Variants in NRG1 observed in about 807,000 individuals in gnomAD.
NRG1 encodes the protein pro-neuregulin-1, membrane-bound isoform.
In NRG1, 18 loss-of-function variants were observed where a neutral mutation model predicts 63.8. The observed-to-expected ratio is 0.28, with a 90% CI of 0.19 to 0.42. The LOEUF (loss-of-function observed/expected upper bound fraction) is 0.42, where lower values mean the gene tolerates loss of function less well. NRG1 is among the 10% of genes least tolerant of loss of function. The pLI is 1.00. For missense variants in NRG1, 762 were observed against 814.7 expected, an observed-to-expected ratio of 0.94 and a Z score of 0.79; for synonymous variants, 302 against 301.3, an observed-to-expected ratio of 1.00 and a Z score of -0.02.
intron 1 of NRG1, among the ~76,000 whole-genome samples, chr8:32,263,973 T>G (rs181656660): frequency 1.4e-4 from 21 of 152,304 alleles, no homozygotes; most frequent in Non-Finnish European, 2.8e-4. Context: ...TAGGGATCTT[T>G]TAGCCCTACC....
At chr8:31,804,503 G>T (rs2131737694) in intron 1 of NRG1, among the ~76,000 whole-genome samples, 1 of 152,256 alleles carries the variant, frequency 6.6e-6, no homozygotes, top group Admixed American at 6.5e-5. Flanking sequence ...CTTTTTATGG[G>T]AAGTAGGGAG....
intron 1 of NRG1, among the ~76,000 whole-genome samples, chr8:32,079,589 G>A (rs1827135527): frequency 6.6e-6 from 1 of 152,114 alleles, no homozygotes; most frequent in South Asian, 2.1e-4. Flanking sequence ...AATACATAAT[G>A]GCAGGATTCA....
chr8:32,405,186 A>T (rs1813792007), intron 1 of NRG1, among the ~76,000 whole-genome samples: 2 of 152,150 alleles, frequency 1.3e-5, no homozygotes, highest in Admixed American at 1.3e-4. Flanking sequence ...AAAGGAAGTT[A>T]TGTGTTCTCT....
At chr8:31,692,442 C>T (rs1809623497) in intron 1 of NRG1, among the ~76,000 whole-genome samples, 1 of 152,032 alleles carries the variant, frequency 6.6e-6, no homozygotes, top group African/African-American at 2.4e-5. Flanking sequence ...ACTTTATATT[C>T]TAGGTTAAAC....
intron 1 of NRG1, among the ~76,000 whole-genome samples, chr8:32,402,580 G>GTAGCCCTCTCAGTTATTAGATCGACCA (rs1266685384): frequency 6.6e-6 from 1 of 152,130 alleles, no homozygotes; most frequent in African/African-American, 2.4e-5. Flanking sequence ...TAGTCACTCA[G>GTAGCCCTCTCAGTTATTAGATCGACCA]TAGCCCTCTC....
intron 1 of NRG1, among the ~76,000 whole-genome samples, chr8:32,527,550 C>T (rs759338245): frequency 6.6e-6 from 1 of 152,154 alleles, no homozygotes; most frequent in African/African-American, 2.4e-5. Context: ...TGAGAAATTA[C>T]TTAATGGGTC....
At chr8:32,765,830 A>G (rs1831385984) in exon 12 of NRG1, 1 of 152,122 alleles carries the variant, frequency 6.6e-6, no homozygotes. Flanking sequence ...TAGGACTAAG[A>G]TTGGTCTAAG....
At chr8:31,817,541 G>A (rs1823573792) in intron 1 of NRG1, among the ~76,000 whole-genome samples, 1 of 152,126 alleles carries the variant, frequency 6.6e-6, no homozygotes, top group South Asian at 2.1e-4. Flanking sequence ...GAAACATGCT[G>A]TTAGATAAAT....
intron 1 of NRG1, among the ~76,000 whole-genome samples, chr8:32,004,934 G>A (rs1813512722): frequency 6.6e-6 from 1 of 151,746 alleles, no homozygotes; most frequent in African/African-American, 2.4e-5. Context: ...ATTTAATACA[G>A]TGGGAATAAC....
chr8:31,901,994 G>A (rs1305733598), intron 1 of NRG1, among the ~76,000 whole-genome samples: 1 of 152,104 alleles, frequency 6.6e-6, no homozygotes, highest in Non-Finnish European at 1.5e-5. Context: ...TGACACAACT[G>A]TAATTAGGAA....
intron 6 of NRG1, among the ~76,000 whole-genome samples, chr8:32,734,628 G>A (rs544757391): frequency 1.3e-5 from 2 of 152,294 alleles, no homozygotes; most frequent in East Asian, 3.9e-4. Context: ...CTCTTCAGAC[G>A]ACTGTGTCCT....
intron 1 of NRG1, among the ~76,000 whole-genome samples, chr8:31,657,323 T>C (rs1259589789): frequency 6.6e-6 from 1 of 152,072 alleles, no homozygotes; most frequent in Admixed American, 6.5e-5. Context: ...GAAAATGAAA[T>C]AAAAAGATGG....
intron 1 of NRG1, among the ~76,000 whole-genome samples, chr8:32,464,222 T>C (rs114742781): frequency 0.012 from 1,803 of 151,866 alleles, 37 homozygotes; most frequent in African/African-American, 0.041. Context: ...ATTCAAATAA[T>C]GTCTGGTATT....
At chr8:32,661,824 T>C (rs1357239763) in intron 5 of NRG1, among the ~76,000 whole-genome samples, 1 of 152,016 alleles carries the variant, frequency 6.6e-6, no homozygotes, top group Non-Finnish European at 1.5e-5. Context: ...GTACATCATA[T>C]GGGGAAAATA....
At chr8:32,094,090 G>A (rs1829567513) in intron 1 of NRG1, among the ~76,000 whole-genome samples, 1 of 152,152 alleles carries the variant, frequency 6.6e-6, no homozygotes, top group Non-Finnish European at 1.5e-5. Flanking sequence ...ATTTGGTTCT[G>A]ATATATACCT....
At chr8:32,642,024 A>C (rs1355726693) in intron 5 of NRG1, among the ~76,000 whole-genome samples, 1 of 152,324 alleles carries the variant, frequency 6.6e-6, no homozygotes, top group East Asian at 1.9e-4. Flanking sequence ...CACTGATAGG[A>C]TCTGTGGTAG....
At chr8:31,799,727 C>T (rs1821574140) in intron 1 of NRG1, among the ~76,000 whole-genome samples, 1 of 151,826 alleles carries the variant, frequency 6.6e-6, no homozygotes, top group Non-Finnish European at 1.5e-5. Context: ...TTTGTGTATG[C>T]ATAGATATAT....
At chr8:32,755,132 T>C (rs1441194143) in intron 8 of NRG1, among the ~76,000 whole-genome samples, 1 of 152,164 alleles carries the variant, frequency 6.6e-6, no homozygotes. Flanking sequence ...GAAGCAAAAC[T>C]TTCTTTGAAA....
intron 1 of NRG1, among the ~76,000 whole-genome samples, chr8:32,083,601 C>G (rs1413565521): frequency 6.6e-6 from 1 of 152,096 alleles, no homozygotes; most frequent in East Asian, 1.9e-4. Flanking sequence ...ATAGCACCAC[C>G]CTTATGCTTA....
Sources: gnomAD v4.1 joint callset for allele counts (sites outside exome capture counted in the v4.1 genomes callset) on GRCh38, gnomAD v4.1.1 for gene constraint, MANE v1.5 for transcripts, NCBI Gene and HGNC (gene_info 2026-07-23, HGNC 2026-07-21) for gene names.